The following REL variants were observed in gnomAD, a reference collection of about 807,000 sequenced individuals.
REL encodes proto-oncogene c-Rel.
In REL, 15 loss-of-function variants were observed where a neutral mutation model predicts 45.9. The observed-to-expected ratio is 0.33, with a 90% CI of 0.22 to 0.50. The LOEUF (loss-of-function observed/expected upper bound fraction) is 0.50, where lower values mean the gene tolerates loss of function less well. REL is among the 20% of genes least tolerant of loss of function. The pLI is 0.98. For synonymous variants in REL, 239 were observed against 242.1 expected, an observed-to-expected ratio of 0.99 and a Z score of 0.12; for missense variants, 601 against 715.2, an observed-to-expected ratio of 0.84 and a Z score of 1.82.
At chr2:60,914,827 G>GT (rs1416967378) in intron 4 of REL, among the ~76,000 whole-genome samples, 21 of 130,390 alleles carry the variant, frequency 1.6e-4, no homozygotes, top group South Asian at 2.4e-4. Context: ...CCCATAGCTT[G>GT]TTTTTTTGTT....
chr2:60,917,338 ACCATATATCTTGGACATTT>A (rs1674002075), intron 5 of REL, among the ~76,000 whole-genome samples: 3 of 152,114 alleles, frequency 2.0e-5, no homozygotes, highest in Admixed American at 2.0e-4. Context: ...CTTTCTTCTT[ACCATATATCTTGGACATTT>A]TCCTTTTAAT....
intron 4 of REL, among the ~76,000 whole-genome samples, chr2:60,906,425 T>G (rs1328078276): frequency 3.9e-5 from 6 of 152,210 alleles, no homozygotes; most frequent in Non-Finnish European, 8.8e-5. Context: ...AATCTCTATC[T>G]GAGATGATTC....
intron 1 of REL, among the ~76,000 whole-genome samples, chr2:60,883,470 G>A (rs1433137571): frequency 2.6e-5 from 4 of 152,182 alleles, no homozygotes; most frequent in African/African-American, 9.7e-5. Context: ...TGAATTCAAA[G>A]CATGTGTAGA....
At chr2:60,921,667 T>TTA in intron 9 of REL, 96 bp from the exon 10 acceptor site, 5 of 1,046,624 alleles carry the variant, frequency 4.8e-6, no homozygotes, top group Non-Finnish European at 6.9e-6. Flanking sequence ...ACATTTTTCT[T>TTA]TATATATATT....
chr2:60,911,407 G>A (rs1387767183), intron 4 of REL: 1 of 152,102 alleles, frequency 6.6e-6, no homozygotes, highest in Non-Finnish European at 1.5e-5. Context: ...TTGCAGTATA[G>A]TCAGCATTGG....
intron 1 of REL, among the ~76,000 whole-genome samples, chr2:60,882,778 A>G (rs1432654048): frequency 6.6e-6 from 1 of 152,244 alleles, no homozygotes; most frequent in East Asian, 1.9e-4. Flanking sequence ...CGCTGGAAAT[A>G]AGGGGAAAGA....
intron 4 of REL, among the ~76,000 whole-genome samples, chr2:60,912,858 T>C (rs192406201): frequency 6.6e-6 from 1 of 151,914 alleles, no homozygotes; most frequent in East Asian, 1.9e-4. Context: ...AAGGAGGAAA[T>C]GTTTGAGAAA....
At position 60,929,521 on chromosome 2, in the gene REL, G is replaced by A. The variant is rs1205076577; in HGVS notation, c.*6986G>A. The A allele has an allele frequency of 2.0e-5, 3 of 151,530 alleles. No homozygotes were observed. The highest frequency in any genetic ancestry group is 4.4e-5 in the Non-Finnish European group (3 of 67,934). 9.4% of individuals were successfully genotyped at this position (151,530 alleles called of 1,614,324 possible). On this transcript the variant is annotated 3_prime_UTR_variant, in exon 10 of 10. Coordinates refer to ENST00000394479, the MANE Select transcript of REL (RefSeq NM_001291746.2). ...AAATGATGAATTCATGTCCTTTGTA[G>A]GGACATGGATGAAATTGGAAAACAT...
Position 60,920,065 on chromosome 2 carries a change from A to G in REL, c.878A>G (p.Lys293Arg). The G allele has an allele frequency of 6.2e-7, 1 of 1,612,158 alleles. No homozygotes were observed. The highest frequency in any genetic ancestry group is 1.1e-5 in the South Asian group (1 of 90,672). ...GATACTTACGGCAATAAAGCAAAGAAACAAAAGACAACTCTGCTTTTCCAG... is the reference window on the plus strand; with the variant it reads ...GATACTTACGGCAATAAAGCAAAGAGACAAAAGACAACTCTGCTTTTCCAG... The part of the protein sequence containing the change: ...EKDTYGNKAK[K>R]QKTTLLFQKL... The change falls in exon 8 of 10, where the codon AAA (lysine) becomes AGA (arginine). Residue 293 changes from lysine to arginine, a missense_variant. This residue lies in a region of REL where 241 missense variants were observed against 347.0 expected (regional missense o/e 0.69). Coordinates refer to ENST00000394479, the MANE Select transcript of REL (RefSeq NM_001291746.2).
intron 4 of REL, among the ~76,000 whole-genome samples, chr2:60,913,125 A>G (rs954172967): frequency 6.6e-6 from 1 of 152,048 alleles, no homozygotes; most frequent in East Asian, 1.9e-4. Context: ...CTAGAATTTG[A>G]TTCCTTTTTT....
Position 60,929,078 on chromosome 2 carries a change from C to G in REL, c.*6543C>G, listed in dbSNP as rs1157553714. 6.9e-6 allele frequency: 1 copy of G among 144,162 alleles called. No homozygotes were observed. Among genetic ancestry groups the G allele is most frequent in the East Asian group, 1.9e-4 (1 of 5,154 alleles). 8.9% of individuals were successfully genotyped at this position (144,162 alleles called of 1,614,324 possible). ...AAAAAACACATGAAAAAATGCTCAT[C>G]ATGACTGGCCATCAGAGAAATGCAA... On this transcript the variant is annotated 3_prime_UTR_variant, in exon 10 of 10. Coordinates refer to ENST00000394479, the MANE Select transcript of REL (RefSeq NM_001291746.2).
At chr2:60,920,011 T>A in intron 7 of REL, 30 bp from the exon 8 acceptor site, 1 of 1,464,896 alleles carries the variant, frequency 6.8e-7, no homozygotes, top group Non-Finnish European at 9.4e-7. Flanking sequence ...TATAATTTTT[T>A]ATCTGCTTTC....
chr2:60,907,540 TAGG>T (rs1673695185), intron 4 of REL, among the ~76,000 whole-genome samples: 1 of 151,770 alleles, frequency 6.6e-6, no homozygotes, highest in Non-Finnish European at 1.5e-5. Flanking sequence ...GAGGCTGAGG[TAGG>T]AGGATCACTT....
chr2:60,922,484 G>A lies in REL; in HGVS notation c.1713G>A (p.Met571Ile). ...GTCAGTATTCAGGTATTGGCAGTAT[G>A]CAAAATGAGCAATTGAGTGACTCCT... ...QDSQYSGIGS[M>I]QNEQLSDSFP... is the part of the protein sequence containing the mutation. Residue 571 changes from methionine to isoleucine, a missense_variant, in exon 10 of 10, where the codon ATG (methionine) becomes ATA (isoleucine). Physicochemically the swap from Met to Ile is conservative, Grantham distance 10. Transcript: ENST00000394479. 1 of 1,611,646 alleles carries A rather than the reference G, an allele frequency of 6.2e-7. No homozygotes were observed. The highest frequency in any genetic ancestry group is 1.1e-5 in the South Asian group (1 of 90,398).
rs1423503673 is a variant in REL, at chr2:60,926,848, A to C, written c.*4313A>C. On this transcript the variant is annotated 3_prime_UTR_variant, in exon 10 of 10. Coordinates refer to ENST00000394479, the MANE Select transcript of REL (RefSeq NM_001291746.2). The stretch of plus-strand genomic sequence containing the variant: ...TTAATTCCTGCTGCCTTCTTAGTAA[A>C]GGCCTTCATTCTTTTTTCCCTAGTA... The C allele has an allele frequency of 1.8e-5, 4 of 227,692 alleles. No homozygotes were observed. The highest frequency in any genetic ancestry group is 8.7e-6 in the Non-Finnish European group (1 of 114,598). 14.1% of individuals were successfully genotyped at this position (227,692 alleles called of 1,614,324 possible). A position where few individuals can be genotyped will look rare whatever the true frequency, so the allele number is the denominator to read the frequency against.
chr2:60,889,917 A>G (rs577280381), intron 1 of REL, among the ~76,000 whole-genome samples: 1 of 152,298 alleles, frequency 6.6e-6, no homozygotes, highest in African/African-American at 2.4e-5. Context: ...ATACTTGTGC[A>G]TGTGTCTTTA....
At chr2:60,901,355 T>C (rs751998502) in intron 4 of REL, among the ~76,000 whole-genome samples, 9 of 151,958 alleles carry the variant, frequency 5.9e-5, no homozygotes, top group Non-Finnish European at 1.3e-4. Context: ...AGAGACGGGG[T>C]TTCACCATGT....
At position 60,918,070 on chromosome 2, in the gene REL, C is replaced by T. The variant is rs1674032157; in HGVS notation, c.536-121C>T. 4.8e-6 allele frequency: 3 copies of T among 620,908 alleles called. No individual in the cohort carries two copies. The South Asian group carries it at 6.6e-5, about 14-fold the overall frequency. 38.5% of individuals were successfully genotyped at this position (620,908 alleles called of 1,614,324 possible). A position where few individuals can be genotyped will look rare whatever the true frequency, so the allele number is the denominator to read the frequency against. ...AATAGATGATTAATGTATTTAGTGTCATTTATCTATACACTAAAACTTTTA... is the reference window on the plus strand; with the variant it reads ...AATAGATGATTAATGTATTTAGTGTTATTTATCTATACACTAAAACTTTTA... On this transcript the variant is annotated intron_variant, in intron 5 of 9. Transcript: ENST00000394479.
intron 2 of REL, among the ~76,000 whole-genome samples, chr2:60,892,695 G>T (rs553509362): frequency 6.6e-6 from 1 of 152,114 alleles, no homozygotes; most frequent in South Asian, 2.1e-4. Context: ...CTCCCAAAGC[G>T]CTGGGATTAT....
Sources: allele counts gnomAD v4.1 joint callset (sites outside exome capture counted in the v4.1 genomes callset), GRCh38; gene constraint gnomAD v4.1.1; regional missense constraint gnomAD v4.1.1; transcripts MANE v1.5; gene names NCBI Gene and HGNC (gene_info 2026-07-23, HGNC 2026-07-21).